Variants in RBFOX1 observed in about 807,000 individuals in gnomAD.
The protein encoded by RBFOX1 is RNA binding fox-1 homolog 1, also known as RNA binding protein fox-1 homolog 1.
In RBFOX1, 8 loss-of-function variants were observed where a neutral mutation model predicts 57.7. The ratio of observed to expected loss-of-function variants is 0.14; its 90% confidence interval spans 0.08 to 0.25. The LOEUF (loss-of-function observed/expected upper bound fraction) is 0.25. RBFOX1 is among the 10% of genes least tolerant of loss of function. The pLI, the probability that RBFOX1 is intolerant of heterozygous loss-of-function variation, is 1.00. For missense variants in RBFOX1, 611 were observed against 548.5 expected, an observed-to-expected ratio of 1.11 and a Z score of -1.14; for synonymous variants, 326 against 222.4, an observed-to-expected ratio of 1.47 and a Z score of -4.15.
At chr16:6,645,599 G>C (rs1235061952) in intron 2 of RBFOX1, among the ~76,000 whole-genome samples, 3 of 152,154 alleles carry the variant, frequency 2.0e-5, no homozygotes, top group Admixed American at 6.5e-5. Flanking sequence ...CTTCTGAAAA[G>C]AACGGACACA....
chr16:5,864,432 G>A (rs1255444553), intron 3 of RBFOX1, among the ~76,000 whole-genome samples: 4 of 152,082 alleles, frequency 2.6e-5, no homozygotes, highest in African/African-American at 7.2e-5. Context: ...TCAAGTTCCA[G>A]TTTGCTCAGG....
intron 4 of RBFOX1, among the ~76,000 whole-genome samples, chr16:5,971,005 C>T (rs1362192995): frequency 6.6e-6 from 1 of 152,214 alleles, no homozygotes; most frequent in Non-Finnish European, 1.5e-5. Flanking sequence ...CATCTCTATC[C>T]TGTCTTGCTA....
chr16:7,022,294 C>A (rs1372767563), intron 3 of RBFOX1, among the ~76,000 whole-genome samples: 1 of 151,302 alleles, frequency 6.6e-6, no homozygotes, highest in African/African-American at 2.4e-5. Flanking sequence ...ATTAAGTGAT[C>A]CACCCACCTC....
At chr16:6,960,745 A>G (rs12924336) in intron 3 of RBFOX1, among the ~76,000 whole-genome samples, 92,842 of 151,690 alleles carry the variant, frequency 0.61, 28,546 homozygotes, top group Non-Finnish European at 0.63. Context: ...GCAAGAGGGT[A>G]CAGAACTCAG....
intron 3 of RBFOX1, among the ~76,000 whole-genome samples, chr16:6,828,554 A>G (rs185304870): frequency 1.4e-4 from 22 of 151,922 alleles, no homozygotes; most frequent in African/African-American, 5.1e-4. Flanking sequence ...GCAGTTTCAT[A>G]TGACTAGAGG....
intron 1 of RBFOX1, among the ~76,000 whole-genome samples, chr16:5,451,767 G>A (rs886896078): frequency 1.3e-5 from 2 of 152,040 alleles, no homozygotes; most frequent in African/African-American, 4.8e-5. Context: ...CATTCATTCC[G>A]CTCTTTTTTC....
chr16:6,711,843 C>A (rs1200281564), intron 3 of RBFOX1, among the ~76,000 whole-genome samples: 1 of 152,146 alleles, frequency 6.6e-6, no homozygotes, highest in Non-Finnish European at 1.5e-5. Flanking sequence ...CCCCAGGTAC[C>A]CCTAGGTCTT....
chr16:5,405,791 G>C (rs925615698), intron 1 of RBFOX1, among the ~76,000 whole-genome samples: 5 of 152,216 alleles, frequency 3.3e-5, no homozygotes, highest in Admixed American at 2.0e-4. Flanking sequence ...GGTGTGGAGT[G>C]TGACTGGGGG....
At chr16:6,015,573 T>C (rs1364277), upstream of RBFOX1, among the ~76,000 whole-genome samples, 48,173 of 152,098 alleles carry the variant, frequency 0.32, 8,084 homozygotes, top group East Asian at 0.49. Flanking sequence ...TCTTTCACCA[T>C]TGTCCAGCCC....
chr16:7,565,239 T>G lies in RBFOX1; in HGVS notation c.271-14538T>G, dbSNP rs976952950. On this transcript the variant is annotated intron_variant, in intron 5 of 15. Transcript: ENST00000550418. ...ATGTGCAATATTGTCTAATTTAGGG[T>G]GTGGAGTTGATCTGGTATGCATGAT... Among the ~76,000 whole-genome samples the G allele has an allele frequency of 2.6e-5, 4 of 152,162 alleles. No homozygotes were observed. The East Asian group carries it at 7.7e-4, about 29-fold the overall frequency.
chr16:5,359,280 G>A (rs1341124565), intron 1 of RBFOX1, among the ~76,000 whole-genome samples: 1 of 152,194 alleles, frequency 6.6e-6, no homozygotes, highest in Admixed American at 6.5e-5. Flanking sequence ...TGGCATGAGA[G>A]TGCAGAAATC....
intron 2 of RBFOX1, among the ~76,000 whole-genome samples, chr16:6,382,240 A>G (rs2091884550): frequency 6.6e-6 from 1 of 152,258 alleles, no homozygotes; most frequent in African/African-American, 2.4e-5. Flanking sequence ...ATACAAAGAC[A>G]GGCAGTGGGC....
At chr16:5,315,599 T>G (rs1380765045) in intron 1 of RBFOX1, among the ~76,000 whole-genome samples, 1 of 152,152 alleles carries the variant, frequency 6.6e-6, no homozygotes, top group African/African-American at 2.4e-5. Context: ...CAATTATGCC[T>G]GATGTTTGTG....
At chr16:6,321,286 C>T (rs1187955643) in intron 2 of RBFOX1, among the ~76,000 whole-genome samples, 1 of 152,056 alleles carries the variant, frequency 6.6e-6, no homozygotes, top group African/African-American at 2.4e-5. Flanking sequence ...TAACCTGATA[C>T]TGTATTGTTG....
intron 4 of RBFOX1, among the ~76,000 whole-genome samples, chr16:7,201,322 G>A (rs1040144994): frequency 6.6e-6 from 1 of 152,170 alleles, no homozygotes; most frequent in African/African-American, 2.4e-5. Context: ...CACCAGCTGA[G>A]GTGAAGGAAA....
At chr16:5,502,720 T>A (rs777960300) in intron 2 of RBFOX1, among the ~76,000 whole-genome samples, 18 of 152,136 alleles carry the variant, frequency 1.2e-4, no homozygotes, top group Non-Finnish European at 2.4e-4. Flanking sequence ...TGAGTTATAG[T>A]CTGTCTGCAG....
At position 6,861,424 on chromosome 16, in the gene RBFOX1, TA is replaced by T. The variant is rs1430732966; in HGVS notation, c.-15-190630del. Among the ~76,000 whole-genome samples, 8 of 152,136 alleles carry T rather than the reference TA, an allele frequency of 5.3e-5. 1 individual carries two copies. Among genetic ancestry groups the T allele is most frequent in the African/African-American group, 1.7e-4 (7 of 41,526 alleles). ...AGTTCCCTAATGTCTTTGATCAATG[TA>T]AACTGCTAATTGCAAGGCCTGACTC... is the stretch of plus-strand genomic sequence containing the variant. On this transcript the variant is annotated intron_variant, in intron 3 of 15. Transcript: ENST00000550418.
At chr16:5,522,012 C>G (rs2044039351) in intron 2 of RBFOX1, among the ~76,000 whole-genome samples, 1 of 152,170 alleles carries the variant, frequency 6.6e-6, no homozygotes, top group South Asian at 2.1e-4. Flanking sequence ...ACTTCCTCAT[C>G]TCTGTATTCC....
chr16:5,991,796 G>A (rs1350622451), intron 4 of RBFOX1, among the ~76,000 whole-genome samples: 1 of 151,988 alleles, frequency 6.6e-6, no homozygotes. Context: ...GGATTGATAA[G>A]ACTTCTAACC....
Sources: gnomAD v4.1 joint callset for allele counts (sites outside exome capture counted in the v4.1 genomes callset) on GRCh38, gnomAD v4.1.1 for gene constraint, MANE v1.5 for transcripts, NCBI Gene and HGNC (gene_info 2026-07-23, HGNC 2026-07-21) for gene names.